The following CNTD1 variants were observed in gnomAD, a reference collection of about 807,000 sequenced individuals.
CNTD1 encodes cyclin N-terminal domain-containing protein 1.
Under a neutral mutation model 36.3 loss-of-function variants are expected in CNTD1, and 17 were observed. The ratio of observed to expected loss-of-function variants is 0.47; its 90% CI spans 0.32 to 0.70. CNTD1 has a LOEUF of 0.70. CNTD1 is among the 30% of genes least tolerant of loss of function. The probability of loss-of-function intolerance (pLI) is 0.03; values close to 1 mark genes in which losing one functional copy is unlikely to be tolerated. For missense variants in CNTD1, 338 were observed against 386.1 expected, an observed-to-expected ratio of 0.88 and a Z score of 1.04; for synonymous variants, 128 against 153.3, an observed-to-expected ratio of 0.83 and a Z score of 1.22.
chr17:42,808,663 G>A (rs1375046778), intron 6 of CNTD1, among the ~76,000 whole-genome samples: 2 of 152,084 alleles, frequency 1.3e-5, no homozygotes, highest in Non-Finnish European at 2.9e-5. Flanking sequence ...GAGCCCAGGA[G>A]TTGGAGGCTG....
chr17:42,798,823 C>G (rs546514347), upstream of CNTD1: 6 of 1,445,112 alleles, frequency 4.2e-6, no homozygotes, highest in East Asian at 2.5e-5. Context: ...AGGGGATGGA[C>G]GCGGGAGGTG....
At chr17:42,807,597 G>A (rs548345553) in intron 5 of CNTD1, among the ~76,000 whole-genome samples, 171 bp from the exon 6 acceptor site, 7 of 152,268 alleles carry the variant, frequency 4.6e-5, no homozygotes, top group African/African-American at 1.7e-4. Flanking sequence ...AGTTAAGTTG[G>A]GGGAGAATGG....
Position 42,799,104 on chromosome 17 carries a change from G to T in CNTD1, c.37G>T (p.Val13Phe). Residue 13 changes from valine (V) to phenylalanine (F), a missense_variant, in exon 1 of 7, where the codon GTT (valine) becomes TTT (phenylalanine). Val to Phe is a conservative substitution (Grantham distance 50). Transcript: ENST00000588408. Reference protein sequence around the residue: ...GPMRPRSASLVDFQFGVVATE... With the variant: ...GPMRPRSASLFDFQFGVVATE... ...CATGAGGCCACGATCGGCCTCCCTCGTTGACTTTCAGTTTGGAGTTGTCGC... is the reference window on the plus strand; with the variant it reads ...CATGAGGCCACGATCGGCCTCCCTCTTTGACTTTCAGTTTGGAGTTGTCGC... The T allele has an allele frequency of 8.1e-6, 13 of 1,614,076 alleles. No individual in the cohort carries two copies. The highest frequency in any genetic ancestry group is 8.0e-5 in the African/African-American group (6 of 75,008).
In CNTD1 at chr17:42,800,849, C is replaced by T. The variant is rs28715710; in HGVS notation, c.169+1613C>T. Among the ~76,000 whole-genome samples the T allele has an allele frequency of 8.3e-3, 1,257 of 152,184 alleles. 22 individuals carry two copies. The highest frequency in any genetic ancestry group is 0.029 in the African/African-American group (1,185 of 41,490). ...AGGAGGAAAACGTGACTATGCTAAA[C>T]GGTTGAGCCTGGAAGACTGGAAGTA... On this transcript the variant is annotated intron_variant, in intron 1 of 6. Coordinates refer to ENST00000588408, the MANE Select transcript of CNTD1 (RefSeq NM_173478.3).
chr17:42,801,495 CA>C (rs748783042), intron 1 of CNTD1, among the ~76,000 whole-genome samples: 173 of 35,268 alleles, frequency 4.9e-3, no homozygotes, highest in Middle Eastern at 0.029. Context: ...GACCTTGTCT[CA>C]AAAAAAAAAA....
At chr17:42,801,550 ATATG>A (rs1237740181) in intron 1 of CNTD1, among the ~76,000 whole-genome samples, 27 of 49,326 alleles carry the variant, frequency 5.5e-4, no homozygotes, top group East Asian at 1.1e-3. Context: ...TATATATAAT[ATATG>A]TGTGTGTGTG....
In CNTD1 at chr17:42,811,554, C is replaced by T; in HGVS notation, c.*2019C>T. The stretch of plus-strand genomic sequence containing the variant: ...CATGTGATTCTGTGCCATTTTTTTG[C>T]TTTCCCACCATTTATACTGTTTTGC... On this transcript the variant is annotated 3_prime_UTR_variant, in exon 7 of 7. Coordinates refer to ENST00000588408, the MANE Select transcript of CNTD1 (RefSeq NM_173478.3). The T allele has an allele frequency of 2.7e-6, 4 of 1,479,828 alleles. No homozygotes were observed. Among genetic ancestry groups the T allele is most frequent in the Non-Finnish European group, 2.7e-6 (3 of 1,101,256 alleles). 91.7% of individuals were successfully genotyped at this position (1,479,828 alleles called of 1,614,324 possible).
At chr17:42,804,166 T>C in intron 2 of CNTD1, 59 bp from the exon 3 acceptor site, 1 of 1,497,652 alleles carries the variant, frequency 6.7e-7, no homozygotes, top group Non-Finnish European at 9.1e-7. Context: ...AACCAGCAAG[T>C]TAAACTCCCT....
chr17:42,804,290 G>C lies in CNTD1; in HGVS notation c.311G>C (p.Arg104Thr), dbSNP rs756806659. The change falls in exon 3 of 7, where the codon AGA becomes ACA. Residue 104 changes from arginine (R) to threonine (T), a missense_variant. Physicochemically the swap from Arg to Thr is moderately conservative, Grantham distance 71 (BLOSUM62 -1). Coordinates refer to ENST00000588408, the MANE Select transcript of CNTD1 (RefSeq NM_173478.3). Reference sequence around the variant, plus strand: ...ACAATCCAGCCAAGAGATAATAAGAGAGAGTCTCAGAATTGGAGGGCTCTG... The same window carrying C: ...ACAATCCAGCCAAGAGATAATAAGACAGAGTCTCAGAATTGGAGGGCTCTG... ...QATIQPRDNK[R>T]ESQNWRALKQ... 7.9e-5 allele frequency: 127 copies of C among 1,613,974 alleles called. No homozygotes were observed. Among genetic ancestry groups the C allele is most frequent in the Non-Finnish European group, 1.0e-4 (118 of 1,179,994 alleles).
intron 1 of CNTD1, among the ~76,000 whole-genome samples, chr17:42,799,900 C>T (rs866916121): frequency 6.7e-6 from 1 of 149,492 alleles, no homozygotes; most frequent in South Asian, 2.1e-4. Context: ...CCCGTCTCTA[C>T]TAAAAATACA....
Position 42,799,132 on chromosome 17 carries a change from C to G in CNTD1, c.65C>G (p.Thr22Arg). The G allele has an allele frequency of 6.2e-7, 1 of 1,614,052 alleles. No individual in the cohort carries two copies. The highest frequency in any genetic ancestry group is 8.5e-7 in the Non-Finnish European group (1 of 1,180,010). The change falls in exon 1 of 7, where the codon ACA becomes AGA. Residue 22 changes from threonine (T) to arginine (R), a missense_variant. Thr to Arg is a moderately conservative substitution (Grantham distance 71, BLOSUM62 -1). Coordinates refer to ENST00000588408, the MANE Select transcript of CNTD1 (RefSeq NM_173478.3). Reference sequence around the variant, plus strand: ...GACTTTCAGTTTGGAGTTGTCGCCACAGAGACGATTGAAGACGCCCTGCTT... The same window carrying G: ...GACTTTCAGTTTGGAGTTGTCGCCAGAGAGACGATTGAAGACGCCCTGCTT... Reference protein sequence around the residue: ...LVDFQFGVVATETIEDALLHL... With the variant: ...LVDFQFGVVARETIEDALLHL...
chr17:42,801,510 A>AAATATAT (rs1289580717), intron 1 of CNTD1, among the ~76,000 whole-genome samples: 8 of 54,356 alleles, frequency 1.5e-4, no homozygotes, highest in African/African-American at 3.1e-4. Context: ...AAAAAAAAAA[A>AAATATAT]ATATATATAT....
At position 42,809,527 on chromosome 17, in the gene CNTD1, A is replaced by C. The variant is rs548702435; in HGVS notation, c.985A>C (p.Asn329His). ...AGCTCTGAAGACTGTTGCTTCCTCT[A>C]ACACATGAGGGAGGCTGAATCCACC... ...ARALKTVASS[N>H]T Residue 329 changes from asparagine to histidine, a missense_variant, in exon 7 of 7, where the codon AAC becomes CAC. Coordinates refer to ENST00000588408, the MANE Select transcript of CNTD1 (RefSeq NM_173478.3). 1.2e-6 allele frequency: 2 copies of C among 1,613,914 alleles called. No individual in the cohort carries two copies. The highest frequency in any genetic ancestry group is 2.2e-5 in the South Asian group (2 of 91,048).
rs752959745 is a variant in CNTD1, at chr17:42,809,585, G to A, written c.*50G>A. The A allele has an allele frequency of 2.0e-6, 3 of 1,530,290 alleles. No homozygotes were observed. Among genetic ancestry groups the A allele is most frequent in the Non-Finnish European group, 2.7e-6 (3 of 1,111,018 alleles). 94.8% of individuals were successfully genotyped at this position (1,530,290 alleles called of 1,614,324 possible). ...AACAGCCATCCGTCACTGCACTCAT[G>A]CCTCCCTCTGTTTACTTTCATACTA... On this transcript the variant is annotated 3_prime_UTR_variant, in exon 7 of 7. Coordinates refer to ENST00000588408, the MANE Select transcript of CNTD1 (RefSeq NM_173478.3).
At chr17:42,806,463 T>C (rs1183563699) in intron 4 of CNTD1, among the ~76,000 whole-genome samples, 1 of 152,172 alleles carries the variant, frequency 6.6e-6, no homozygotes, top group African/African-American at 2.4e-5. Context: ...GAGGGACAAC[T>C]ACATGCTAAT....
In CNTD1 at chr17:42,801,187, A is replaced by C. The variant is rs1408537695; in HGVS notation, c.169+1951A>C. 1.7e-3 allele frequency among the ~76,000 whole-genome samples: 212 copies of C among 127,906 alleles called. 1 individual carries two copies. Among genetic ancestry groups the C allele is most frequent in the Non-Finnish European group, 2.7e-3 (171 of 62,662 alleles). 83.9% of individuals were successfully genotyped at this position (127,906 alleles called of 152,430 possible). ...GCCACAGAGCAAGACTCTGTCTCCC[A>C]AAAAAAAAAAAAACAACAACAAAAA... is the stretch of plus-strand genomic sequence containing the variant. On this transcript the variant is annotated intron_variant, in intron 1 of 6. Coordinates refer to ENST00000588408, the MANE Select transcript of CNTD1 (RefSeq NM_173478.3).
rs1291068741 is a variant in CNTD1, at chr17:42,803,514, G to C, written c.170-106G>C. 4 of 799,862 alleles carry C rather than the reference G, an allele frequency of 5.0e-6. No individual in the cohort carries two copies. In the African/African-American group the frequency reaches 5.2e-5, roughly 10 times the overall value. 49.5% of individuals were successfully genotyped at this position (799,862 alleles called of 1,614,324 possible). On this transcript the variant is annotated intron_variant, in intron 1 of 6. Transcript: ENST00000588408. ...TTTAGTCTCATCTTTCTCACCTCCT[G>C]ACCCTCTTCCCTTGGCCCCATCACG...
At chr17:42,808,615 A>T (rs2054924688) in intron 6 of CNTD1, among the ~76,000 whole-genome samples, 1 of 151,564 alleles carries the variant, frequency 6.6e-6, no homozygotes, top group South Asian at 2.1e-4. Flanking sequence ...CAGTCCCACA[A>T]CTATGTGGAC....
chr17:42,800,090 A>AG (rs1555546292), intron 1 of CNTD1, among the ~76,000 whole-genome samples: 1 of 146,924 alleles, frequency 6.8e-6, no homozygotes, highest in African/African-American at 2.6e-5. Context: ...AAAAAAAAAA[A>AG]GAGAAAAGAA....
Sources: gnomAD v4.1 joint callset for allele counts (sites outside exome capture counted in the v4.1 genomes callset) on GRCh38, gnomAD v4.1.1 for gene constraint, MANE v1.5 for transcripts, NCBI Gene and HGNC (gene_info 2026-07-23, HGNC 2026-07-21) for gene names.